The following NUP214 variants were observed in gnomAD, a reference collection of about 807,000 sequenced individuals.
The protein encoded by NUP214 is nucleoporin 214.
Under a neutral mutation model 196.2 loss-of-function variants are expected in NUP214, and 79 were observed. The observed-to-expected ratio is 0.40, with a 90% CI of 0.34 to 0.49. NUP214 has a LOEUF of 0.49. Among genes scored for constraint, NUP214 ranks in the 20% least tolerant of loss-of-function variants. NUP214 has a pLI of 0.58. For missense variants in NUP214, 2,468 were observed against 2,539.0 expected (o/e 0.97, Z 0.60); for synonymous variants, 1,020 against 990.5 (o/e 1.03, Z -0.56).
At chr9:131,150,912 C>T (rs370518001) in intron 16 of NUP214, 147 bp downstream of exon 16, 1 of 737,352 alleles carries the variant, frequency 1.4e-6, no homozygotes, top group East Asian at 2.6e-5. Flanking sequence ...GCCTAGAATC[C>T]CTGAGTTCAA....
chr9:131,137,505 C>G (rs1831766858), intron 9 of NUP214, among the ~76,000 whole-genome samples: 1 of 150,580 alleles, frequency 6.6e-6, no homozygotes, highest in Admixed American at 6.6e-5. Context: ...TCTTGGTGAA[C>G]CTTTGTAATT....
chr9:131,229,725 CAGG>C (rs2131108819), intron 33 of NUP214: 1 of 518,970 alleles, frequency 1.9e-6, no homozygotes, highest in African/African-American at 1.9e-5. Context: ...AGGCCCAAGG[CAGG>C]AGGAGGAAGG....
chr9:131,142,253 G>A (rs1023452261), intron 11 of NUP214, among the ~76,000 whole-genome samples: 3 of 152,212 alleles, frequency 2.0e-5, no homozygotes, highest in Admixed American at 6.5e-5. Flanking sequence ...GGGATGGGAC[G>A]AGGTTTGTTT....
chr9:131,162,884 A>C, intron 18 of NUP214, 107 bp from the exon 19 acceptor site: 1 of 1,056,178 alleles, frequency 9.5e-7, no homozygotes. Context: ...CTGGTTCTCC[A>C]TTTTATCATT....
chr9:131,144,284 T>C lies in NUP214; in HGVS notation c.1299T>C (p.Ser433=). The C allele has an allele frequency of 6.2e-7, 1 of 1,612,390 alleles. No individual in the cohort carries two copies. Among genetic ancestry groups the C allele is most frequent in the Non-Finnish European group, 8.5e-7 (1 of 1,179,096 alleles). ...TTCCTTTTTTTGTCACTGCAGGAAG[T>C]ACTCCCACTACCCCAACCTCCTCTC... ...EGERQPKSPG[S]TPTTPTSSQA... Residue 433 remains serine, a synonymous_variant, in exon 12 of 36, where the codon AGT becomes AGC. Transcript: ENST00000359428.
At chr9:131,197,158 T>C in intron 28 of NUP214, 58 bp from the exon 29 acceptor site, 1 of 1,578,898 alleles carries the variant, frequency 6.3e-7, no homozygotes, top group Middle Eastern at 1.7e-4. Context: ...TCAGTGGAAA[T>C]GTAATGGGTC....
chr9:131,196,061 G>A (rs1168023587), intron 28 of NUP214, among the ~76,000 whole-genome samples: 1 of 102,804 alleles, frequency 9.7e-6, no homozygotes, highest in Non-Finnish European at 1.9e-5. Flanking sequence ...TCCATCAATA[G>A]CATGTTTTTA....
Position 131,222,944 on chromosome 9 carries a change from T to C in NUP214, c.5902+14T>C. On this transcript the variant is annotated intron_variant, in intron 32 of 35. Transcript: ENST00000359428. ...CAAACAAAACAGGTACTCCTATGTC[T>C]ATTTGTTATGGTTATCTTTATATAT... 6.2e-7 allele frequency: 1 copy of C among 1,610,704 alleles called. No individual in the cohort carries two copies. Among genetic ancestry groups the C allele is most frequent in the Non-Finnish European group, 8.5e-7 (1 of 1,178,054 alleles).
At position 131,198,407 on chromosome 9, in the gene NUP214, T is replaced by A; in HGVS notation, c.4913T>A (p.Val1638Asp). 5 of 1,614,220 alleles carry A rather than the reference T, an allele frequency of 3.1e-6. No homozygotes were observed. Among genetic ancestry groups the A allele is most frequent in the Non-Finnish European group, 4.2e-6 (5 of 1,180,036 alleles). ...PSAEAAAFGT[V>D]TSGSSVFAQP... ...GCAGAGGCAGCAGCATTTGGTACCGTCACTTCTGGCTCATCCGTCTTTGCT... is the reference window on the plus strand; with the variant it reads ...GCAGAGGCAGCAGCATTTGGTACCGACACTTCTGGCTCATCCGTCTTTGCT... Residue 1638 changes from valine to aspartate, a missense_variant, in exon 29 of 36, where the codon GTC becomes GAC. Physicochemically the swap from Val to Asp is radical, Grantham distance 152. This residue lies in a region of NUP214 where 1,801 missense variants were observed against 1,779.4 expected (regional missense o/e 1.01). Transcript: ENST00000359428.
intron 32 of NUP214, among the ~76,000 whole-genome samples, chr9:131,227,376 T>A (rs1230138078): frequency 6.6e-6 from 1 of 152,196 alleles, no homozygotes; most frequent in East Asian, 1.9e-4. Flanking sequence ...GTCCTCACTG[T>A]TGACTTATTA....
chr9:131,180,789 G>A (rs895128465), intron 24 of NUP214, among the ~76,000 whole-genome samples: 5 of 152,106 alleles, frequency 3.3e-5, no homozygotes, highest in South Asian at 2.1e-4. Context: ...GAAGACAGCC[G>A]GGAAACTGCC....
chr9:131,132,522 T>C (rs1458600979), intron 5 of NUP214, 74 bp from the exon 6 acceptor site: 9 of 1,293,224 alleles, frequency 7.0e-6, no homozygotes, highest in Non-Finnish European at 9.0e-6. Context: ...AAGGAATAGA[T>C]TAGATTTGAC....
At position 131,127,532 on chromosome 9, in the gene NUP214, G is replaced by A. The variant is rs1467127413; in HGVS notation, c.54G>A (p.Gln18=). The change falls in exon 2 of 36, where the codon CAG becomes CAA. Residue 18 remains glutamine (Q), a synonymous_variant. Transcript: ENST00000359428. ...TTGATTCTTCACAACAGGATTTTCA[G>A]TTTAGAGCGCTAAAGAAGGTGAGAA... ...MIPEREMKDF[Q]FRALKKVRIF... 2 of 1,608,672 alleles carry A rather than the reference G, an allele frequency of 1.2e-6. No homozygotes were observed. Among genetic ancestry groups the A allele is most frequent in the South Asian group, 1.1e-5 (1 of 89,696 alleles).
At position 131,197,455 on chromosome 9, in the gene NUP214, C is replaced by G. The variant is rs773466871; in HGVS notation, c.3961C>G (p.Leu1321Val). 4 of 1,614,194 alleles carry G rather than the reference C, an allele frequency of 2.5e-6. No individual in the cohort carries two copies. The South Asian group carries it at 4.4e-5, about 18-fold the overall frequency. Residue 1321 changes from leucine (L) to valine (V), a missense_variant, in exon 29 of 36, where the codon CTG becomes GTG. Coordinates refer to ENST00000359428, the MANE Select transcript of NUP214 (RefSeq NM_005085.4). ...CCCACCGTCCAAGCTGGGAGAGCTTCTGTTTCCAAGTTCTTTGGCTGGAGA... is the reference window on the plus strand; with the variant it reads ...CCCACCGTCCAAGCTGGGAGAGCTTGTGTTTCCAAGTTCTTTGGCTGGAGA... ...ETPPSKLGEL[L>V]FPSSLAGETL... is the part of the protein sequence containing the mutation.
At chr9:131,226,442 C>T (rs1366943445) in intron 32 of NUP214, among the ~76,000 whole-genome samples, 1 of 151,870 alleles carries the variant, frequency 6.6e-6, no homozygotes, top group Non-Finnish European at 1.5e-5. Flanking sequence ...TTAACCGCCA[C>T]CCCTCCCCTG....
chr9:131,200,830 T>G (rs900495915), intron 29 of NUP214, among the ~76,000 whole-genome samples: 2 of 152,012 alleles, frequency 1.3e-5, no homozygotes, highest in Admixed American at 1.3e-4. Context: ...ACTTCAACCA[T>G]GTTATGCCAT....
chr9:131,145,283 C>A (rs1374752484), intron 12 of NUP214, among the ~76,000 whole-genome samples: 2 of 152,118 alleles, frequency 1.3e-5, no homozygotes, highest in Non-Finnish European at 2.9e-5. Flanking sequence ...CTGGGTCGGG[C>A]AGCTCACTCA....
intron 27 of NUP214, among the ~76,000 whole-genome samples, chr9:131,193,027 G>A (rs1026088772): frequency 7.3e-5 from 11 of 150,368 alleles, no homozygotes; most frequent in African/African-American, 2.2e-4. Context: ...AAAGATAATA[G>A]GCATTTGAAA....
At chr9:131,212,624 C>T (rs968189772) in intron 30 of NUP214, among the ~76,000 whole-genome samples, 2 of 152,154 alleles carry the variant, frequency 1.3e-5, no homozygotes, top group South Asian at 2.1e-4. Flanking sequence ...CTGTTACTTC[C>T]TCTGCAGTGG....
Sources: allele counts gnomAD v4.1 joint callset (sites outside exome capture counted in the v4.1 genomes callset), GRCh38; gene constraint gnomAD v4.1.1; regional missense constraint gnomAD v4.1.1; transcripts MANE v1.5; gene names NCBI Gene and HGNC (gene_info 2026-07-23, HGNC 2026-07-21).